The following OXCT1 variants were observed in gnomAD, a reference collection of about 807,000 sequenced individuals.
OXCT1 encodes 3-oxoacid CoA-transferase 1.
OXCT1 carries 27 observed loss-of-function variants against 69.6 expected under a neutral mutation model. That is an observed-to-expected ratio of 0.39 (90% confidence interval 0.29 to 0.54). The LOEUF (loss-of-function observed/expected upper bound fraction) is 0.54. Among genes scored for constraint, OXCT1 ranks in the 20% least tolerant of loss-of-function variants. The pLI is 0.72. For synonymous variants in OXCT1, 202 were observed against 217.8 expected (o/e 0.93, Z 0.64); for missense variants, 437 against 650.2 (o/e 0.67, Z 3.57).
chr5:41,788,143 T>C (rs1004075260), intron 13 of OXCT1, among the ~76,000 whole-genome samples: 6 of 152,220 alleles, frequency 3.9e-5, no homozygotes, highest in Non-Finnish European at 7.3e-5. Flanking sequence ...AAGTTTACTA[T>C]TGTATAATTC....
In OXCT1 at chr5:41,731,898, C is replaced by T. The variant is rs181137188; in HGVS notation, c.1522-128G>A. 62 of 1,157,650 alleles carry T rather than the reference C, an allele frequency of 5.4e-5. No individual in the cohort carries two copies. The Admixed American group carries it at 1.0e-3, about 19-fold the overall frequency. The allele number at this position is 1,157,650 out of a possible 1,614,324, so 71.7% of individuals were successfully genotyped here. A position where few individuals can be genotyped will look rare whatever the true frequency, so the allele number is the denominator to read the frequency against. On this transcript the variant is annotated intron_variant, in intron 16 of 16. Transcript: ENST00000196371. Reference sequence around the variant, plus strand: ...TGCCATGGACATTCCCTGGAGTTTCCATATGATTTTCCATCCTGAAACATT... The same window carrying T: ...TGCCATGGACATTCCCTGGAGTTTCTATATGATTTTCCATCCTGAAACATT...
chr5:41,807,842 C>G (rs1490335735), intron 7 of OXCT1, among the ~76,000 whole-genome samples: 6 of 151,928 alleles, frequency 3.9e-5, no homozygotes, highest in African/African-American at 1.4e-4. Context: ...ATATCAAAGA[C>G]AAAAATCTGT....
In OXCT1 at chr5:41,832,238, G is replaced by A. The variant is rs373852211; in HGVS notation, c.732+8213C>T. Among the ~76,000 whole-genome samples, 7 of 152,176 alleles carry A rather than the reference G, an allele frequency of 4.6e-5. No individual in the cohort carries two copies. The East Asian group carries it at 1.4e-3, about 29-fold the overall frequency. On this transcript the variant is annotated intron_variant, in intron 7 of 16. Coordinates refer to ENST00000196371, the MANE Select transcript of OXCT1 (RefSeq NM_000436.4). ...CAGGCCTTGGGCAAAACCCAGTGCTGTGCTGGCTTTAGGCCTGACCCACCA... is the reference window on the plus strand; with the variant it reads ...CAGGCCTTGGGCAAAACCCAGTGCTATGCTGGCTTTAGGCCTGACCCACCA...
chr5:41,778,884 C>A (rs565636588), intron 13 of OXCT1, among the ~76,000 whole-genome samples: 1 of 152,110 alleles, frequency 6.6e-6, no homozygotes, highest in Non-Finnish European at 1.5e-5. Flanking sequence ...TTTGATCCAA[C>A]GCCCTTTGGG....
chr5:41,859,100 T>C (rs1326444880), intron 3 of OXCT1, among the ~76,000 whole-genome samples: 1 of 151,488 alleles, frequency 6.6e-6, no homozygotes, highest in Non-Finnish European at 1.5e-5. Context: ...CCTCCCTTTG[T>C]CCAGCACATC....
intron 13 of OXCT1, among the ~76,000 whole-genome samples, chr5:41,774,919 G>A (rs1745050999): frequency 6.6e-6 from 1 of 151,174 alleles, no homozygotes; most frequent in Non-Finnish European, 1.5e-5. Context: ...ATAAATAAGT[G>A]AATAAATAAA....
At chr5:41,758,675 T>C (rs1370170917) in intron 14 of OXCT1, among the ~76,000 whole-genome samples, 1 of 152,130 alleles carries the variant, frequency 6.6e-6, no homozygotes, top group Non-Finnish European at 1.5e-5. Flanking sequence ...GGAATCTATC[T>C]ATGGATACAA....
At chr5:41,830,639 T>C (rs569864004) in intron 7 of OXCT1, among the ~76,000 whole-genome samples, 32 of 152,314 alleles carry the variant, frequency 2.1e-4, no homozygotes, top group African/African-American at 7.7e-4. Context: ...CGTATGGATG[T>C]GTGTGTTCTT....
chr5:41,760,702 T>G (rs976044866), intron 14 of OXCT1, among the ~76,000 whole-genome samples: 1 of 152,178 alleles, frequency 6.6e-6, no homozygotes, highest in Non-Finnish European at 1.5e-5. Context: ...TGGATTTGAT[T>G]TGCATGCTTG....
intron 7 of OXCT1, among the ~76,000 whole-genome samples, chr5:41,836,069 A>C (rs1419525083): frequency 6.6e-6 from 1 of 152,200 alleles, no homozygotes; most frequent in Non-Finnish European, 1.5e-5. Flanking sequence ...CCTCCTGAGA[A>C]ACAGCCAAAT....
chr5:41,742,219 T>A (rs1386194242), intron 15 of OXCT1, among the ~76,000 whole-genome samples: 1 of 152,174 alleles, frequency 6.6e-6, no homozygotes, highest in African/African-American at 2.4e-5. Flanking sequence ...AAACCAAGTA[T>A]CTATAATTTA....
chr5:41,844,734 AT>A (rs1748809546), intron 5 of OXCT1, among the ~76,000 whole-genome samples: 1 of 151,950 alleles, frequency 6.6e-6, no homozygotes, highest in African/African-American at 2.4e-5. Context: ...TGCTTCATTC[AT>A]CTTACACAGT....
chr5:41,803,228 A>G, intron 9 of OXCT1, 65 bp from the exon 10 acceptor site: 1 of 1,035,148 alleles, frequency 9.7e-7, no homozygotes, highest in Non-Finnish European at 1.5e-6. Context: ...TAAATCTTCT[A>G]CATATACAGA....
chr5:41,814,370 C>T (rs1037311484), intron 7 of OXCT1, among the ~76,000 whole-genome samples: 1 of 152,064 alleles, frequency 6.6e-6, no homozygotes, highest in African/African-American at 2.4e-5. Context: ...AGCACAAAGA[C>T]TATTAAACAT....
chr5:41,788,769 A>C (rs561877563), intron 13 of OXCT1, among the ~76,000 whole-genome samples: 21 of 152,326 alleles, frequency 1.4e-4, no homozygotes, highest in African/African-American at 3.8e-4. Context: ...AACAATACTA[A>C]CTGCCCATTT....
At chr5:41,738,038 G>T (rs1472438525) in intron 16 of OXCT1, among the ~76,000 whole-genome samples, 2 of 151,966 alleles carry the variant, frequency 1.3e-5, no homozygotes, top group Non-Finnish European at 2.9e-5. Context: ...CTGGGCAACA[G>T]AACAAGACTC....
At chr5:41,842,269 T>C (rs961127841) in intron 6 of OXCT1, among the ~76,000 whole-genome samples, 1 of 152,224 alleles carries the variant, frequency 6.6e-6, no homozygotes, top group South Asian at 2.1e-4. Context: ...CCAATGATTA[T>C]TAGCAGTATC....
At chr5:41,825,233 T>C (rs1747749801) in intron 7 of OXCT1, among the ~76,000 whole-genome samples, 1 of 152,184 alleles carries the variant, frequency 6.6e-6, no homozygotes, top group Admixed American at 6.5e-5. Context: ...CTTTTGGACA[T>C]GAGTGGTTGA....
chr5:41,834,121 A>G (rs1189772216), intron 7 of OXCT1, among the ~76,000 whole-genome samples: 1 of 152,126 alleles, frequency 6.6e-6, no homozygotes, highest in Non-Finnish European at 1.5e-5. Context: ...AGTCTTTTCA[A>G]GCCTCATGCT....
Sources: gnomAD v4.1 joint callset for allele counts (sites outside exome capture counted in the v4.1 genomes callset) on GRCh38, gnomAD v4.1.1 for gene constraint, MANE v1.5 for transcripts, NCBI Gene and HGNC (gene_info 2026-07-23, HGNC 2026-07-21) for gene names.